The following CPQ variants were observed in gnomAD, a reference collection of about 807,000 sequenced individuals.
CPQ encodes carboxypeptidase Q.
Under a neutral mutation model 45.7 loss-of-function variants are expected in CPQ, and 37 were observed. That is an observed-to-expected ratio of 0.81 (90% confidence interval 0.62 to 1.07). The LOEUF (loss-of-function observed/expected upper bound fraction) is 1.07. CPQ is among the 50% of genes least tolerant of loss of function. CPQ has a pLI of 0.00. For synonymous variants in CPQ, 186 were observed against 205.8 expected, an observed-to-expected ratio of 0.90 and a Z score of 0.82; for missense variants, 537 against 572.9, an observed-to-expected ratio of 0.94 and a Z score of 0.64.
At chr8:96,780,983 G>A (rs1005316656) in intron 1 of CPQ, among the ~76,000 whole-genome samples, 4 of 151,924 alleles carry the variant, frequency 2.6e-5, no homozygotes, top group Non-Finnish European at 5.9e-5. Flanking sequence ...GTAGTTGTTG[G>A]AGTCATATTT....
At chr8:96,676,515 A>G (rs895391508) in intron 1 of CPQ, among the ~76,000 whole-genome samples, 2 of 151,912 alleles carry the variant, frequency 1.3e-5, no homozygotes, top group African/African-American at 4.8e-5. Flanking sequence ...GTAGTATTCC[A>G]TTGTGTATAT....
chr8:96,766,268 G>A (rs1226406252), intron 1 of CPQ, among the ~76,000 whole-genome samples: 1 of 152,162 alleles, frequency 6.6e-6, no homozygotes, highest in Non-Finnish European at 1.5e-5. Flanking sequence ...ACCTCCATCA[G>A]GTGGGGAGTG....
chr8:96,674,396 C>G (rs1442186878), intron 1 of CPQ, among the ~76,000 whole-genome samples: 1 of 152,102 alleles, frequency 6.6e-6, no homozygotes, highest in East Asian at 1.9e-4. Context: ...TTGGTAGTCT[C>G]TAATGTGTGA....
At chr8:96,964,427 T>C (rs1218607205) in intron 4 of CPQ, among the ~76,000 whole-genome samples, 1 of 152,184 alleles carries the variant, frequency 6.6e-6, no homozygotes, top group Admixed American at 6.6e-5. Flanking sequence ...TTGAATGTGG[T>C]TTAATTTATA....
rs529360931 is a variant in CPQ, at chr8:96,871,531, G to GTTT, written c.642-8244_642-8242dup. ...TGATAGCTTCAGGCTTTGCTTCCAG[G>GTTT]TTTTTTTTTTTTTTTTTTTTTTTTT... On this transcript the variant is annotated intron_variant, in intron 3 of 7. Transcript: ENST00000220763. Among the ~76,000 whole-genome samples the GTTT allele has an allele frequency of 2.1e-4, 22 of 106,992 alleles. No homozygotes were observed. In the East Asian group the frequency reaches 2.3e-3, roughly 11 times the overall value. The allele number at this position is 106,992 out of a possible 152,430, so 70.2% of individuals were successfully genotyped here. A position where few individuals can be genotyped will look rare whatever the true frequency, so the allele number is the denominator to read the frequency against.
chr8:96,702,544 G>C (rs1321068405), intron 1 of CPQ, among the ~76,000 whole-genome samples: 1 of 152,112 alleles, frequency 6.6e-6, no homozygotes, highest in African/African-American at 2.4e-5. Context: ...CTTAAATAGT[G>C]CTTACTACCT....
chr8:96,918,927 G>T (rs1048017835), intron 4 of CPQ, among the ~76,000 whole-genome samples: 1 of 152,032 alleles, frequency 6.6e-6, no homozygotes, highest in African/African-American at 2.4e-5. Context: ...GACTTACCCT[G>T]CTTTAGTGGT....
intron 4 of CPQ, among the ~76,000 whole-genome samples, chr8:96,929,520 C>A (rs1047060637): frequency 4.6e-5 from 7 of 152,186 alleles, no homozygotes; most frequent in Admixed American, 2.6e-4. Context: ...GAGTGTGATA[C>A]CCCCTCCTGT....
chr8:96,952,030 G>A (rs1431748481), intron 4 of CPQ, among the ~76,000 whole-genome samples: 2 of 152,040 alleles, frequency 1.3e-5, no homozygotes, highest in Non-Finnish European at 2.9e-5. Flanking sequence ...CCACTTTACA[G>A]AGAGAGAAAC....
chr8:96,758,308 C>A (rs575291316), intron 1 of CPQ, among the ~76,000 whole-genome samples: 22 of 152,290 alleles, frequency 1.4e-4, no homozygotes, highest in Middle Eastern at 3.4e-3. Context: ...TAGCCCCTGT[C>A]TTCTGAAACA....
At chr8:96,798,369 C>G (rs185341549) in intron 2 of CPQ, among the ~76,000 whole-genome samples, 25 of 152,200 alleles carry the variant, frequency 1.6e-4, no homozygotes, top group Non-Finnish European at 2.9e-4. Flanking sequence ...GAACTCCCAG[C>G]TCAAGTGATC....
chr8:97,101,529 A>G (rs1010849577), intron 7 of CPQ, among the ~76,000 whole-genome samples: 3 of 149,884 alleles, frequency 2.0e-5, no homozygotes, highest in Admixed American at 6.7e-5. Flanking sequence ...GACATCACTA[A>G]TCAATCACAG....
At chr8:96,993,353 A>G (rs1438587489) in intron 5 of CPQ, among the ~76,000 whole-genome samples, 2 of 152,162 alleles carry the variant, frequency 1.3e-5, no homozygotes, top group Non-Finnish European at 2.9e-5. Flanking sequence ...ATTCTTGCTC[A>G]CTTTTAGTAC....
At chr8:96,782,526 C>T (rs1008230348) in intron 1 of CPQ, among the ~76,000 whole-genome samples, 12 of 152,076 alleles carry the variant, frequency 7.9e-5, no homozygotes, top group Non-Finnish European at 1.5e-4. Flanking sequence ...AGTGCCTTTG[C>T]GGTCATTTTC....
intron 5 of CPQ, among the ~76,000 whole-genome samples, chr8:97,022,864 C>G (rs1228909337): frequency 6.6e-6 from 1 of 151,342 alleles, no homozygotes; most frequent in Non-Finnish European, 1.5e-5. Context: ...TTTGATCCAG[C>G]AATCCCACCA....
intron 3 of CPQ, among the ~76,000 whole-genome samples, chr8:96,870,577 C>G (rs1226228535): frequency 6.6e-6 from 1 of 151,998 alleles, no homozygotes; most frequent in Non-Finnish European, 1.5e-5. Flanking sequence ...TTGTCAGCTT[C>G]TAGCTGTGAG....
chr8:96,995,263 T>C (rs1323467525), intron 5 of CPQ, among the ~76,000 whole-genome samples: 1 of 152,110 alleles, frequency 6.6e-6, no homozygotes, highest in Non-Finnish European at 1.5e-5. Flanking sequence ...ATAAAGTTTA[T>C]AAGAGGGCCT....
chr8:97,025,146 C>T (rs745746519), intron 5 of CPQ, among the ~76,000 whole-genome samples: 6 of 152,090 alleles, frequency 3.9e-5, no homozygotes, highest in Non-Finnish European at 2.9e-5. Context: ...GTAAGACAGT[C>T]AACTGACCTT....
chr8:96,839,093 T>TTA (rs60795722), intron 3 of CPQ, among the ~76,000 whole-genome samples: 5,443 of 148,186 alleles, frequency 0.037, 136 homozygotes, highest in Non-Finnish European at 0.047. Context: ...GAACATTATA[T>TTA]TATATATATA....
Sources: gnomAD v4.1 joint callset for allele counts (sites outside exome capture counted in the v4.1 genomes callset) on GRCh38, gnomAD v4.1.1 for gene constraint, MANE v1.5 for transcripts, NCBI Gene and HGNC (gene_info 2026-07-23, HGNC 2026-07-21) for gene names.